Variants in ZNRF3 observed in about 807,000 individuals in gnomAD.
ZNRF3 encodes the protein zinc and ring finger 3, also known as E3 ubiquitin-protein ligase ZNRF3.
A neutral mutation model predicts 72.5 loss-of-function variants in ZNRF3; 23 were observed. That is an observed-to-expected ratio of 0.32 (90% CI 0.23 to 0.45). The LOEUF (loss-of-function observed/expected upper bound fraction) is 0.45, where lower values mean the gene tolerates loss of function less well. ZNRF3 is among the 20% of genes least tolerant of loss of function. The probability of loss-of-function intolerance (pLI) is 1.00; values close to 1 mark genes in which losing one functional copy is unlikely to be tolerated. For synonymous variants in ZNRF3, 610 were observed against 545.3 expected (o/e 1.12, Z -1.65); for missense variants, 1,169 against 1,272.1 (o/e 0.92, Z 1.23).
chr22:29,028,600 C>G (rs1283262732), intron 2 of ZNRF3, among the ~76,000 whole-genome samples: 2 of 152,142 alleles, frequency 1.3e-5, no homozygotes, highest in Admixed American at 1.3e-4. Context: ...ATTTCTCTGG[C>G]CTGGGATTAT....
rs150886231 is a variant in ZNRF3 at position 29,030,557 on chromosome 22, C to G, written c.427-11938C>G. Among the ~76,000 whole-genome samples the G allele has an allele frequency of 6.2e-4, 95 of 152,264 alleles. No homozygotes were observed. The highest frequency in any genetic ancestry group is 3.5e-3 in the Admixed American group (53 of 15,296). On this transcript the variant is annotated intron_variant, in intron 2 of 8. Transcript: ENST00000544604. This position sits in a 1 kb window ranked among gnomAD's most constrained non-coding sequence, Gnocchi z 4.2. ...ACTCAGAACCTGCAGCCGACGGGAG[C>G]CTTTGGAGGCTTAATGACTTTAATT...
chr22:28,971,650 G>T (rs142084740), intron 1 of ZNRF3, among the ~76,000 whole-genome samples: 32 of 152,252 alleles, frequency 2.1e-4, no homozygotes, highest in African/African-American at 7.7e-4. Context: ...ACAACCTTGG[G>T]GAAATAAAGT....
In ZNRF3 at chr22:28,893,330, C is replaced by T. The variant is rs140035646; in HGVS notation, c.300+9264C>T. Among the ~76,000 whole-genome samples the T allele has an allele frequency of 1.1e-4, 16 of 152,132 alleles. No individual in the cohort carries two copies. The East Asian group carries it at 2.9e-3, about 28-fold the overall frequency. ...TCAGCAAACATTTATTGAATGTTTA[C>T]TGTAGATACCGTATAGAGAAGAAAC... On this transcript the variant is annotated intron_variant, in intron 1 of 8. Coordinates refer to ENST00000544604, the MANE Select transcript of ZNRF3 (RefSeq NM_001206998.2).
intron 8 of ZNRF3, among the ~76,000 whole-genome samples, chr22:29,051,947 C>T (rs2037215481): frequency 6.6e-6 from 1 of 151,886 alleles, no homozygotes; most frequent in South Asian, 2.1e-4. Flanking sequence ...CTTCAGCCTC[C>T]TGGGCTTCTC....
intron 2 of ZNRF3, among the ~76,000 whole-genome samples, chr22:28,996,154 G>C (rs1407420113): frequency 6.6e-6 from 1 of 152,142 alleles, no homozygotes; most frequent in Non-Finnish European, 1.5e-5. Context: ...GCCCAGGCTG[G>C]TCTCAAACTC....
chr22:28,923,934 G>C (rs553954354), intron 1 of ZNRF3, among the ~76,000 whole-genome samples: 1 of 152,240 alleles, frequency 6.6e-6, no homozygotes, highest in Non-Finnish European at 1.5e-5. Flanking sequence ...ATGGCTTTGC[G>C]CTGGCCGGGC....
chr22:28,971,943 A>C (rs1000415463), intron 1 of ZNRF3, among the ~76,000 whole-genome samples: 2 of 152,110 alleles, frequency 1.3e-5, no homozygotes, highest in East Asian at 3.9e-4. Flanking sequence ...CCTGGCTTCA[A>C]GTGATCCCCT....
intron 2 of ZNRF3, among the ~76,000 whole-genome samples, chr22:29,037,205 G>A (rs2036882705): frequency 6.6e-6 from 1 of 152,188 alleles, no homozygotes; most frequent in African/African-American, 2.4e-5. Flanking sequence ...AGACTCCAGG[G>A]AATAGAGATG....
chr22:29,045,471 T>G (rs1373963226), intron 5 of ZNRF3, among the ~76,000 whole-genome samples: 1 of 152,118 alleles, frequency 6.6e-6, no homozygotes, highest in Non-Finnish European at 1.5e-5. Context: ...AGCAGGTGTT[T>G]CGAAGGAAGT....
chr22:28,934,282 C>T (rs1252013226), intron 1 of ZNRF3, among the ~76,000 whole-genome samples: 1 of 152,132 alleles, frequency 6.6e-6, no homozygotes, highest in Non-Finnish European at 1.5e-5. Flanking sequence ...TTTCTCTCTG[C>T]CTCTTATTTA....
chr22:29,046,677 C>T (rs748647811), intron 5 of ZNRF3, 39 bp from the exon 6 acceptor site: 19 of 1,502,414 alleles, frequency 1.3e-5, no homozygotes, highest in African/African-American at 1.1e-4. Flanking sequence ...CACTTTCATA[C>T]GTACTGGACC....
At chr22:28,950,853 G>A (rs1210226218) in intron 1 of ZNRF3, among the ~76,000 whole-genome samples, 1 of 152,186 alleles carries the variant, frequency 6.6e-6, no homozygotes, top group Non-Finnish European at 1.5e-5. Context: ...ATCTAAAGCC[G>A]TAGCTGGGCC....
chr22:29,014,596 A>G (rs1455641228), intron 2 of ZNRF3, among the ~76,000 whole-genome samples: 1 of 152,232 alleles, frequency 6.6e-6, no homozygotes, highest in Non-Finnish European at 1.5e-5. Context: ...TCCCTTTTGT[A>G]GCTCAGTGTA....
intron 1 of ZNRF3, among the ~76,000 whole-genome samples, chr22:28,896,971 G>A (rs2034009495): frequency 6.6e-6 from 1 of 152,094 alleles, no homozygotes; most frequent in African/African-American, 2.4e-5. Flanking sequence ...GTCTCACTAT[G>A]TTGCCTAGAC....
In ZNRF3 at chr22:29,049,592, C is replaced by T. The variant is rs745870049; in HGVS notation, c.1411C>T (p.His471Tyr). Residue 471 changes from histidine (H) to tyrosine (Y), a missense_variant, in exon 8 of 9, where the codon CAC becomes TAC. Transcript: ENST00000544604. This position sits in a 1 kb window ranked among gnomAD's most constrained non-coding sequence, Gnocchi z 5.2. ...CTCCCAGTATGAGACCATGTACCAG[C>T]ACTACTACTTCCAGGGCCTCAGCTA... The part of the protein sequence containing the change: ...CFSQYETMYQ[H>Y]YYFQGLSYPE... 1.9e-6 allele frequency: 3 copies of T among 1,608,794 alleles called. No individual in the cohort carries two copies. The highest frequency in any genetic ancestry group is 1.3e-5 in the African/African-American group (1 of 75,038).
At chr22:28,995,592 C>T (rs1406229368) in intron 2 of ZNRF3, among the ~76,000 whole-genome samples, 3 of 152,156 alleles carry the variant, frequency 2.0e-5, no homozygotes, top group Non-Finnish European at 2.9e-5. Context: ...ATGGGTTTTG[C>T]CAAACCTCTC....
At chr22:29,044,100 T>C (rs1302562201) in intron 4 of ZNRF3, among the ~76,000 whole-genome samples, 2 of 152,188 alleles carry the variant, frequency 1.3e-5, no homozygotes, top group East Asian at 1.9e-4. Context: ...ACATTCACAG[T>C]GTAGGATGAT....
chr22:29,018,890 T>C (rs914585487), intron 2 of ZNRF3, among the ~76,000 whole-genome samples: 4 of 151,636 alleles, frequency 2.6e-5, no homozygotes, highest in Non-Finnish European at 5.9e-5. Flanking sequence ...TCATTTTCAT[T>C]GCTCATGATT....
At chr22:29,039,082 A>T (rs2123878569) in intron 2 of ZNRF3, among the ~76,000 whole-genome samples, 1 of 152,154 alleles carries the variant, frequency 6.6e-6, no homozygotes, top group African/African-American at 2.4e-5. Flanking sequence ...CTTATTACTG[A>T]CCTGCCCTCT....
Sources: gnomAD v4.1 joint callset for allele counts (sites outside exome capture counted in the v4.1 genomes callset) on GRCh38, gnomAD v4.1.1 for gene constraint, Gnocchi (gnomAD v3.1) non-coding constraint, MANE v1.5 for transcripts, NCBI Gene and HGNC (gene_info 2026-07-23, HGNC 2026-07-21) for gene names.